USP40: variants seen among roughly 807,000 people sequenced by gnomAD.
USP40 encodes the protein ubiquitin carboxyl-terminal hydrolase 40.
A neutral mutation model predicts 166.2 loss-of-function variants in USP40; 143 were observed. The observed-to-expected ratio is 0.86, with a 90% CI of 0.75 to 0.99. USP40 has a LOEUF of 0.99. Among genes scored for constraint, USP40 ranks in the 50% least tolerant of loss-of-function variants. The probability of loss-of-function intolerance (pLI) is 0.00; values close to 1 mark genes in which losing one functional copy is unlikely to be tolerated. For synonymous variants in USP40, 498 were observed against 524.0 expected, an observed-to-expected ratio of 0.95 and a Z score of 0.68; for missense variants, 1,444 against 1,479.7, an observed-to-expected ratio of 0.98 and a Z score of 0.40.
chr2:233,540,880 C>T, intron 9 of USP40, 111 bp from the exon 10 acceptor site: 2 of 584,122 alleles, frequency 3.4e-6, no homozygotes, highest in Non-Finnish European at 5.7e-6. Context: ...CCTAGAACAG[C>T]AAACACGTAA....
At chr2:233,519,239 T>C (rs1028352398) in intron 18 of USP40, among the ~76,000 whole-genome samples, 1 of 152,200 alleles carries the variant, frequency 6.6e-6, no homozygotes, top group African/African-American at 2.4e-5. Flanking sequence ...GTGAATTTTA[T>C]GGTATGTAGA....
In USP40 at chr2:233,554,456, T is replaced by A. The variant is rs373147313; in HGVS notation, c.617A>T (p.Tyr206Phe). ...ACAATCAAAAACTTCCTCTTCTACA[T>A]ACATGTTCCAGAGAGCATCTTCCAA... Reference protein sequence around the residue: ...SGLEDALWNMYVEEEVFDCDN... With the variant: ...SGLEDALWNMFVEEEVFDCDN... Residue 206 changes from tyrosine (Y) to phenylalanine (F), a missense_variant, in exon 6 of 32, where the codon TAT becomes TTT. By Grantham distance (22) the Tyr-to-Phe change is conservative (BLOSUM62 3). Coordinates refer to ENST00000678225, the MANE Select transcript of USP40 (RefSeq NM_001365479.2). The A allele has an allele frequency of 1.2e-6, 2 of 1,613,462 alleles. No homozygotes were observed. The highest frequency in any genetic ancestry group is 1.3e-5 in the African/African-American group (1 of 75,020).
At chr2:233,515,856 T>C (rs550834505) in intron 18 of USP40, among the ~76,000 whole-genome samples, 1 of 152,354 alleles carries the variant, frequency 6.6e-6, no homozygotes, top group East Asian at 1.9e-4. Context: ...ATTTAATTTT[T>C]GCATCAGGCG....
At chr2:233,513,202 A>C (rs1201671216) in intron 18 of USP40, among the ~76,000 whole-genome samples, 2 of 152,176 alleles carry the variant, frequency 1.3e-5, no homozygotes, top group Non-Finnish European at 2.9e-5. Context: ...CTCCTTTCTA[A>C]GTTTGGATCA....
chr2:233,491,618 G>A (rs2065349817), intron 25 of USP40, among the ~76,000 whole-genome samples: 1 of 146,474 alleles, frequency 6.8e-6, no homozygotes, highest in African/African-American at 2.8e-5. Context: ...GTGTGTGTGT[G>A]TGTGTGTGTG....
chr2:233,484,258 T>C (rs1231021351), intron 30 of USP40, among the ~76,000 whole-genome samples: 1 of 152,216 alleles, frequency 6.6e-6, no homozygotes, highest in Non-Finnish European at 1.5e-5. Context: ...TGGATTTTCA[T>C]TGGAATTTCA....
rs1466855771 is a variant in USP40, at chr2:233,480,828, C to A, written c.3599+375G>T. Reference sequence around the variant, plus strand: ...GAAGGACAGGGAGCCCGCAGCAGGGCTGAGGTGGCAGCAAGACGGGGTGGT... The same window carrying A: ...GAAGGACAGGGAGCCCGCAGCAGGGATGAGGTGGCAGCAAGACGGGGTGGT... On this transcript the variant is annotated intron_variant, in intron 31 of 31. Transcript: ENST00000678225. The surrounding 1 kb of genome is among the most constrained non-coding windows in gnomAD (Gnocchi z 4.5). Among the ~76,000 whole-genome samples the A allele has an allele frequency of 6.6e-6, 1 of 152,074 alleles. No individual in the cohort carries two copies. The highest frequency in any genetic ancestry group is 1.5e-5 in the Non-Finnish European group (1 of 68,018).
At chr2:233,482,212 A>G (rs1431617035) in intron 30 of USP40, among the ~76,000 whole-genome samples, 2 of 152,158 alleles carry the variant, frequency 1.3e-5, no homozygotes, top group African/African-American at 4.8e-5. Context: ...TAAATTGCAC[A>G]TGACACAAGT....
Position 233,511,801 on chromosome 2 carries a change from A to C in USP40, c.2438-4T>G, listed in dbSNP as rs758194653. 1 of 1,597,206 alleles carries C rather than the reference A, an allele frequency of 6.3e-7. No homozygotes were observed. ...TTCAAAGTATAGCTGTCCGGCACTT[A>C]AAAAAATTTTGATAATATGATGAAG... On this transcript the variant is annotated splice_polypyrimidine_tract_variant and splice_region_variant and intron_variant, in intron 19 of 31. Transcript: ENST00000678225.
intron 9 of USP40, among the ~76,000 whole-genome samples, chr2:233,541,538 A>G (rs2125314606): frequency 6.6e-6 from 1 of 152,354 alleles, no homozygotes; most frequent in Non-Finnish European, 1.5e-5. Flanking sequence ...AACTGTCAGA[A>G]AATACATTTC....
At chr2:233,544,645 A>G (rs2069737105) in intron 8 of USP40, among the ~76,000 whole-genome samples, 1 of 152,230 alleles carries the variant, frequency 6.6e-6, no homozygotes, top group South Asian at 2.1e-4. Context: ...GGAAGTTCCA[A>G]GGAGCTCTGT....
In USP40 at chr2:233,525,668, A is replaced by G. The variant is rs186461398; in HGVS notation, c.1726-106T>C. 1,324 of 763,172 alleles carry G rather than the reference A, an allele frequency of 1.7e-3. 2 individuals carry two copies. The highest frequency in any genetic ancestry group is 1.9e-3 in the Non-Finnish European group (917 of 473,488). The allele number at this position is 763,172 out of a possible 1,614,324, so 47.3% of individuals were successfully genotyped here. A position where few individuals can be genotyped will look rare whatever the true frequency, so the allele number is the denominator to read the frequency against. Reference sequence around the variant, plus strand: ...ACATATGAAGATGACACAGAGAGCAAGCAAATGAATACTCTCACCCCCACC... The same window carrying G: ...ACATATGAAGATGACACAGAGAGCAGGCAAATGAATACTCTCACCCCCACC... On this transcript the variant is annotated intron_variant, in intron 13 of 31. Coordinates refer to ENST00000678225, the MANE Select transcript of USP40 (RefSeq NM_001365479.2).
chr2:233,485,609 C>T lies in USP40; in HGVS notation c.3426G>A (p.Lys1142=), dbSNP rs1442605228. 1.9e-6 allele frequency: 3 copies of T among 1,613,122 alleles called. No individual in the cohort carries two copies. The highest frequency in any genetic ancestry group is 2.5e-6 in the Non-Finnish European group (3 of 1,179,514). The change falls in exon 30 of 32, where the codon AAG becomes AAA. Residue 1142 remains lysine, a synonymous_variant. Coordinates refer to ENST00000678225, the MANE Select transcript of USP40 (RefSeq NM_001365479.2). ...PISSWNQQIT[K]RKKKKKQDYL... ...AATCTTGTTTTTTTTTCTTTTTCCT[C>T]TTGGTTATTTGTTGGTTCTATGGGA...
At chr2:233,564,576 C>A (rs2071965419) in intron 2 of USP40, among the ~76,000 whole-genome samples, 4 of 152,084 alleles carry the variant, frequency 2.6e-5, no homozygotes, top group Non-Finnish European at 1.5e-5. Context: ...CTTACAATAA[C>A]CCCCCTTTTA....
chr2:233,508,479 G>A (rs1191103645), intron 21 of USP40, among the ~76,000 whole-genome samples: 1 of 152,102 alleles, frequency 6.6e-6, no homozygotes, highest in East Asian at 1.9e-4. Flanking sequence ...CCTATAAATT[G>A]GTAATTAGAC....
At chr2:233,494,824 T>TAA (rs367849310) in intron 24 of USP40, among the ~76,000 whole-genome samples, 12 of 79,170 alleles carry the variant, frequency 1.5e-4, no homozygotes, top group Non-Finnish European at 2.7e-4. Context: ...AGATCCTTTC[T>TAA]AAAAAAAAAA....
intron 25 of USP40, 31 bp from the exon 26 acceptor site, chr2:233,491,292 G>A (rs1440495710): frequency 2.0e-6 from 3 of 1,499,190 alleles, no homozygotes; most frequent in African/African-American, 2.8e-5. Context: ...ATGTTTACAA[G>A]GAACTTGAAA....
intron 11 of USP40, among the ~76,000 whole-genome samples, chr2:233,533,069 TA>T (rs2068666827): frequency 6.6e-6 from 1 of 150,400 alleles, no homozygotes; most frequent in South Asian, 2.1e-4. Flanking sequence ...GGAGAAGATA[TA>T]AAAGAATCAG....
intron 11 of USP40, among the ~76,000 whole-genome samples, chr2:233,531,965 T>C (rs1427984904): frequency 6.6e-6 from 1 of 152,046 alleles, no homozygotes; most frequent in Non-Finnish European, 1.5e-5. Flanking sequence ...TAGAACTAAA[T>C]TGAAAGGAAC....
Sources: allele counts gnomAD v4.1 joint callset (sites outside exome capture counted in the v4.1 genomes callset), GRCh38; gene constraint gnomAD v4.1.1; non-coding constraint Gnocchi (gnomAD v3.1); transcripts MANE v1.5; gene names NCBI Gene and HGNC (gene_info 2026-07-23, HGNC 2026-07-21).